The following NRG3 variants were observed in gnomAD, a reference collection of about 807,000 sequenced individuals.
NRG3 encodes neuregulin 3.
In NRG3, 31 loss-of-function variants were observed where a neutral mutation model predicts 66.9. The observed-to-expected ratio is 0.46, with a 90% CI of 0.35 to 0.63. NRG3 has a LOEUF of 0.63. Ranked by LOEUF, NRG3 falls within the 20% of genes least tolerant of loss-of-function variation. The probability of loss-of-function intolerance (pLI) is 0.00; values close to 1 mark genes in which losing one functional copy is unlikely to be tolerated. For synonymous variants in NRG3, 393 were observed against 359.4 expected (o/e 1.09, Z -1.06); for missense variants, 910 against 878.9 (o/e 1.04, Z -0.45).
chr10:82,776,094 A>C (rs2059903497), intron 3 of NRG3, among the ~76,000 whole-genome samples: 1 of 152,202 alleles, frequency 6.6e-6, no homozygotes, highest in African/African-American at 2.4e-5. Flanking sequence ...GAAAAGCTAA[A>C]CATTTTTTGT....
intron 1 of NRG3, among the ~76,000 whole-genome samples, chr10:81,992,884 C>G (rs1036941382): frequency 2.0e-5 from 3 of 152,192 alleles, no homozygotes; most frequent in African/African-American, 7.2e-5. Flanking sequence ...GTGTAGCCAT[C>G]TTACAGGGTC....
intron 1 of NRG3, among the ~76,000 whole-genome samples, chr10:82,055,652 T>A (rs934817149): frequency 5.3e-5 from 8 of 152,032 alleles, no homozygotes; most frequent in Non-Finnish European, 1.2e-4. Context: ...AGCAAAGTGA[T>A]AGGGTGATAA....
At chr10:82,664,547 T>G (rs2133986023) in intron 2 of NRG3, among the ~76,000 whole-genome samples, 1 of 152,318 alleles carries the variant, frequency 6.6e-6, no homozygotes, top group Middle Eastern at 3.4e-3. Context: ...ACAAGCTATT[T>G]AAAGTTATCA....
intron 2 of NRG3, among the ~76,000 whole-genome samples, chr10:82,474,416 A>G (rs1478877407): frequency 6.6e-6 from 1 of 152,182 alleles, no homozygotes; most frequent in African/African-American, 2.4e-5. Flanking sequence ...ACAAAGAGAT[A>G]ATATATTTTA....
At chr10:82,467,193 C>T (rs1840768213) in intron 2 of NRG3, among the ~76,000 whole-genome samples, 1 of 152,206 alleles carries the variant, frequency 6.6e-6, no homozygotes, top group Non-Finnish European at 1.5e-5. Flanking sequence ...TGCTGGTGTT[C>T]TGTGAGCCCA....
At chr10:81,992,986 T>A (rs1461201884) in intron 1 of NRG3, among the ~76,000 whole-genome samples, 1 of 152,190 alleles carries the variant, frequency 6.6e-6, no homozygotes, top group Non-Finnish European at 1.5e-5. Flanking sequence ...TTATCATGTG[T>A]TTTAGAATAG....
chr10:82,488,407 A>C (rs763700226), intron 2 of NRG3, among the ~76,000 whole-genome samples: 3 of 152,242 alleles, frequency 2.0e-5, no homozygotes, highest in Admixed American at 6.5e-5. Context: ...ACTGCAAGTA[A>C]AATTTAAATA....
intron 1 of NRG3, among the ~76,000 whole-genome samples, chr10:81,905,790 G>A (rs1478094601): frequency 6.6e-6 from 1 of 152,140 alleles, no homozygotes; most frequent in Non-Finnish European, 1.5e-5. Flanking sequence ...TGCATTCTGT[G>A]CATGCATTCT....
intron 3 of NRG3, among the ~76,000 whole-genome samples, chr10:82,752,670 A>C (rs2058918845): frequency 6.6e-6 from 1 of 152,182 alleles, no homozygotes; most frequent in Non-Finnish European, 1.5e-5. Context: ...TACCAATGTG[A>C]TGACATTAGG....
rs74795995 is a variant in NRG3 at position 82,155,195 on chromosome 10, A to G, written c.824-203544A>G. On this transcript the variant is annotated intron_variant, in intron 1 of 8. Transcript: ENST00000372141. Reference sequence around the variant, plus strand: ...TTAATGGCCATTAGCTAGTTTCCCAATCAGAGCACGTTTTCACCTGTGCTC... The same window carrying G: ...TTAATGGCCATTAGCTAGTTTCCCAGTCAGAGCACGTTTTCACCTGTGCTC... 8.9e-3 allele frequency among the ~76,000 whole-genome samples: 1,345 copies of G among 151,828 alleles called. 11 individuals carry two copies. The highest frequency in any genetic ancestry group is 0.047 in the East Asian group (243 of 5,162).
At chr10:82,713,973 C>T (rs1188629291) in intron 2 of NRG3, among the ~76,000 whole-genome samples, 1 of 152,052 alleles carries the variant, frequency 6.6e-6, no homozygotes, top group Non-Finnish European at 1.5e-5. Context: ...GAAGGAGCCG[C>T]CATGGTTGTC....
intron 1 of NRG3, among the ~76,000 whole-genome samples, chr10:82,339,725 A>G (rs985670176): frequency 2.0e-5 from 3 of 152,012 alleles, no homozygotes; most frequent in Non-Finnish European, 2.9e-5. Flanking sequence ...TTGACTTTTA[A>G]TATATTTCTG....
rs369653075 is a variant in NRG3 at position 82,869,820 on chromosome 10, G to A, written c.1054+4383G>A. ...GACGGGGTTTTCACCGTGTTAGCCC[G>A]GATGGTCTCGATCTCCTGACCTTGT... On this transcript the variant is annotated intron_variant, in intron 4 of 8. Coordinates refer to ENST00000372141, the MANE Select transcript of NRG3 (RefSeq NM_001010848.4). Among the ~76,000 whole-genome samples the A allele has an allele frequency of 2.2e-4, 33 of 151,892 alleles. No individual in the cohort carries two copies. The East Asian group carries it at 2.7e-3, about 13-fold the overall frequency.
At chr10:81,967,584 A>G (rs894710678) in intron 1 of NRG3, among the ~76,000 whole-genome samples, 3 of 152,044 alleles carry the variant, frequency 2.0e-5, no homozygotes, top group African/African-American at 7.2e-5. Context: ...ATGCGTGCTT[A>G]TATAGTCTGT....
At chr10:82,713,322 G>A (rs1017361784) in intron 2 of NRG3, among the ~76,000 whole-genome samples, 1 of 151,960 alleles carries the variant, frequency 6.6e-6, no homozygotes, top group African/African-American at 2.4e-5. Flanking sequence ...TAAAGGGCCA[G>A]GATAGAAACA....
rs376738207 is a variant in NRG3, at chr10:82,620,990, T to G, written c.954-117587T>G. ...AAGGATATTACATATATATCCTTAT[T>G]TAGTATTTATAATATCTTAGTGAGA... On this transcript the variant is annotated intron_variant, in intron 2 of 8. Transcript: ENST00000372141. 9.5e-3 allele frequency among the ~76,000 whole-genome samples: 1,450 copies of G among 152,292 alleles called. 11 individuals are homozygous for G. Among genetic ancestry groups the G allele is most frequent in the Middle Eastern group, 0.02 (6 of 294 alleles).
chr10:82,898,788 C>T (rs1369131933), intron 4 of NRG3, among the ~76,000 whole-genome samples: 1 of 128,358 alleles, frequency 7.8e-6, no homozygotes, highest in Non-Finnish European at 1.5e-5. Flanking sequence ...GTTGTGCGAT[C>T]TTGGCTCACT....
chr10:82,860,526 C>T (rs971842591), intron 3 of NRG3, among the ~76,000 whole-genome samples: 3 of 152,146 alleles, frequency 2.0e-5, no homozygotes, highest in Non-Finnish European at 4.4e-5. Context: ...AAGTTAGTTC[C>T]CCTCTCCGTG....
rs545711844 is a variant in NRG3, at chr10:82,470,177, C to T, written c.953+111309C>T. Among the ~76,000 whole-genome samples the T allele has an allele frequency of 2.2e-4, 33 of 152,190 alleles. No individual in the cohort carries two copies. The South Asian group carries it at 5.4e-3, about 25-fold the overall frequency. ...GAAGGGCTTTGGGTTTCTGAGCTCC[C>T]GTCTAAACAGATCTCTATTTATTGG... is the stretch of plus-strand genomic sequence containing the variant. On this transcript the variant is annotated intron_variant, in intron 2 of 8. Transcript: ENST00000372141.
Sources: gnomAD v4.1 joint callset for allele counts (sites outside exome capture counted in the v4.1 genomes callset) on GRCh38, gnomAD v4.1.1 for gene constraint, MANE v1.5 for transcripts, NCBI Gene and HGNC (gene_info 2026-07-23, HGNC 2026-07-21) for gene names.